GRM4: variants seen among roughly 807,000 people sequenced by gnomAD.
The protein encoded by GRM4 is glutamate metabotropic receptor 4, also known as metabotropic glutamate receptor 4.
In GRM4, 28 loss-of-function variants were observed where a neutral mutation model predicts 81.7. The observed-to-expected ratio is 0.34, with a 90% CI of 0.25 to 0.47. The LOEUF (loss-of-function observed/expected upper bound fraction) is 0.47. Among genes scored for constraint, GRM4 ranks in the 20% least tolerant of loss-of-function variants. The pLI is 1.00. For missense variants in GRM4, 948 were observed against 1,290.0 expected (o/e 0.73, Z 4.06); for synonymous variants, 488 against 528.8 (o/e 0.92, Z 1.06).
intron 2 of GRM4, chr6:34,102,008 A>G (rs1463554674): frequency 2.6e-6 from 4 of 1,535,302 alleles, no homozygotes; most frequent in Non-Finnish European, 3.5e-6. Flanking sequence ...AGGGCCTCTC[A>G]CCAGGATCCT....
intron 3 of GRM4, among the ~76,000 whole-genome samples, chr6:34,086,241 G>A (rs1767884080): frequency 1.3e-5 from 2 of 152,242 alleles, no homozygotes; most frequent in South Asian, 4.1e-4. Context: ...GAGCTGCCCA[G>A]CCTGGGCCTC....
intron 8 of GRM4, among the ~76,000 whole-genome samples, chr6:34,038,955 G>A (rs1026996231): frequency 3.3e-5 from 5 of 152,308 alleles, no homozygotes; most frequent in South Asian, 2.1e-4. Context: ...GTAGCAGCTC[G>A]GACACAGCAG....
chr6:34,040,414 C>T, intron 7 of GRM4, 100 bp from the exon 8 acceptor site: 1 of 1,456,232 alleles, frequency 6.9e-7, no homozygotes. Context: ...ATTCATGGAA[C>T]ATTCTGGGAG....
At chr6:34,150,628 G>T (rs983475597), upstream of GRM4, among the ~76,000 whole-genome samples, 32 of 152,074 alleles carry the variant, frequency 2.1e-4, no homozygotes, top group African/African-American at 7.7e-4. Flanking sequence ...CCCAGCCTCA[G>T]TTTCCCCGCC....
chr6:34,142,726 C>T (rs1290428564), intron 1 of GRM4, among the ~76,000 whole-genome samples: 1 of 152,260 alleles, frequency 6.6e-6, no homozygotes, highest in South Asian at 2.1e-4. Flanking sequence ...TCTCACCTAC[C>T]TCGGGCTGCC....
At chr6:34,091,619 C>T (rs1419824857) in intron 3 of GRM4, 17 of 531,696 alleles carry the variant, frequency 3.2e-5, no homozygotes, top group Non-Finnish European at 1.4e-5. Context: ...CCCGCAGGCT[C>T]CTGCACCAGG....
At chr6:34,027,989 T>C in intron 10 of GRM4, 131 bp downstream of exon 10, 1 of 1,024,498 alleles carries the variant, frequency 9.8e-7, no homozygotes. Flanking sequence ...GTTCCCCCAG[T>C]GTCCCCCGCC....
rs1196661892 is a variant in GRM4 at position 34,092,767 on chromosome 6, C to T, written c.520-668G>A. Among the ~76,000 whole-genome samples the T allele has an allele frequency of 6.6e-6, 1 of 152,056 alleles. No individual in the cohort carries two copies. ...CACAGCCTCTCCAAGGCAGAGCCGA[C>T]CCGGGGCCCTGCCCCAGCCCCGGGG... On this transcript the variant is annotated intron_variant, in intron 2 of 10. Coordinates refer to ENST00000538487, the MANE Select transcript of GRM4 (RefSeq NM_000841.4). This position sits in a 1 kb window ranked among gnomAD's most constrained non-coding sequence, Gnocchi z 6.8.
At chr6:34,056,458 G>A (rs1581627768) in intron 6 of GRM4, 86 bp downstream of exon 6, 3 of 1,239,516 alleles carry the variant, frequency 2.4e-6, no homozygotes, top group African/African-American at 1.5e-5. Context: ...ACAGACAAAG[G>A]GAGACTCTCG....
intron 2 of GRM4, chr6:34,103,751 T>C: frequency 4.7e-6 from 7 of 1,477,924 alleles, no homozygotes; most frequent in Non-Finnish European, 5.4e-6. Flanking sequence ...GGTGAGAAGC[T>C]GCCTCGCTGT....
rs1354545929 is a variant in GRM4 at position 34,069,621 on chromosome 6, C to G, written c.737-7593G>C. Among the ~76,000 whole-genome samples, 1 of 150,186 alleles carries G rather than the reference C, an allele frequency of 6.7e-6. No individual in the cohort carries two copies. The highest frequency in any genetic ancestry group is 1.5e-5 in the Non-Finnish European group (1 of 67,766). ...AGTCTCCAGCCCCTCAACACACTCC[C>G]GGCTTTACAACCCTTGGCAGCCCCC... On this transcript the variant is annotated intron_variant, in intron 3 of 10. Transcript: ENST00000538487. This position sits in a 1 kb window ranked among gnomAD's most constrained non-coding sequence, Gnocchi z 6.4.
chr6:34,137,607 A>C (rs1488091601), intron 1 of GRM4, among the ~76,000 whole-genome samples: 2 of 151,248 alleles, frequency 1.3e-5, no homozygotes, highest in Non-Finnish European at 2.9e-5. Flanking sequence ...TTTTTGAGAC[A>C]GGGTCTCATT....
intron 3 of GRM4, 197 bp downstream of exon 3, chr6:34,091,686 G>A (rs1398269562): frequency 2.9e-5 from 17 of 592,402 alleles, no homozygotes; most frequent in African/African-American, 1.1e-4. Context: ...CACAGTCGCC[G>A]TTGACCGGAG....
chr6:34,094,373 C>T (rs1427720541), intron 2 of GRM4, among the ~76,000 whole-genome samples: 1 of 152,222 alleles, frequency 6.6e-6, no homozygotes, highest in Admixed American at 6.5e-5. Flanking sequence ...ATCTATGTGT[C>T]CCCTCACCTG....
chr6:34,018,672 A>G lies in GRM4; in HGVS notation c.*4149T>C, dbSNP rs529366634. 5 of 152,322 alleles carry G rather than the reference A, an allele frequency of 3.3e-5. No individual in the cohort carries two copies. The highest frequency in any genetic ancestry group is 3.3e-4 in the Admixed American group (5 of 15,296). 9.4% of individuals were successfully genotyped at this position (152,322 alleles called of 1,614,324 possible). On this transcript the variant is annotated 3_prime_UTR_variant, in exon 11 of 11. Transcript: ENST00000538487. ...GGTGACATGCTTTAATTATCCACCG[A>G]GCAATGGCGGGCTGAATTACACAGG... is the stretch of plus-strand genomic sequence containing the variant.
chr6:34,069,859 C>G lies in GRM4; in HGVS notation c.737-7831G>C, dbSNP rs777830600. 1.6e-4 allele frequency among the ~76,000 whole-genome samples: 25 copies of G among 152,146 alleles called. No individual in the cohort carries two copies. The highest frequency in any genetic ancestry group is 3.2e-4 in the Non-Finnish European group (22 of 68,022). ...TGCTGCTCCCTCTGCCAGGAGCACC[C>G]CCACCTCAGCTGCTCAGCCACCCTC... On this transcript the variant is annotated intron_variant, in intron 3 of 10. Coordinates refer to ENST00000538487, the MANE Select transcript of GRM4 (RefSeq NM_000841.4). The surrounding 1 kb of genome is among the most constrained non-coding windows in gnomAD (Gnocchi z 6.4).
At position 34,070,982 on chromosome 6, in the gene GRM4, G is replaced by C. The variant is rs75316682; in HGVS notation, c.737-8954C>G. Among the ~76,000 whole-genome samples, 11,637 of 151,592 alleles carry C rather than the reference G, an allele frequency of 0.077. 930 individuals carry two copies. Among genetic ancestry groups the C allele is most frequent in the African/African-American group, 0.21 (8,681 of 41,188 alleles). ...CACAAAGATGGGCACAGGGCCATAC[G>C]CACACACTGACAGAGTCACAGATCC... On this transcript the variant is annotated intron_variant, in intron 3 of 10. Coordinates refer to ENST00000538487, the MANE Select transcript of GRM4 (RefSeq NM_000841.4). This position sits in a 1 kb window ranked among gnomAD's most constrained non-coding sequence, Gnocchi z 4.6.
In GRM4 at chr6:34,112,599, G is replaced by A. The variant is rs183076980; in HGVS notation, c.519+20379C>T. On this transcript the variant is annotated intron_variant, in intron 2 of 10. Transcript: ENST00000538487. ...GGGGAGTGTGAGCTTCCCCCCAAATGAGGACACTTTAGTGCCCATGGCAGG... is the reference window on the plus strand; with the variant it reads ...GGGGAGTGTGAGCTTCCCCCCAAATAAGGACACTTTAGTGCCCATGGCAGG... Among the ~76,000 whole-genome samples, 25 of 152,270 alleles carry A rather than the reference G, an allele frequency of 1.6e-4. No homozygotes were observed. The East Asian group carries it at 4.4e-3, about 27-fold the overall frequency.
intron 6 of GRM4, 124 bp downstream of exon 6, chr6:34,056,420 C>T (rs547926333): frequency 1.2e-6 from 1 of 851,552 alleles, no homozygotes; most frequent in Admixed American, 2.4e-5. Flanking sequence ...GCAGGCCCAA[C>T]TGCACGTCCT....
Sources: gnomAD v4.1 joint callset for allele counts (sites outside exome capture counted in the v4.1 genomes callset) on GRCh38, gnomAD v4.1.1 for gene constraint, Gnocchi (gnomAD v3.1) non-coding constraint, MANE v1.5 for transcripts, NCBI Gene and HGNC (gene_info 2026-07-23, HGNC 2026-07-21) for gene names.